The following CNTN5 variants were observed in gnomAD, a reference collection of about 807,000 sequenced individuals.
CNTN5 encodes the protein contactin-5.
In CNTN5, 77 loss-of-function variants were observed where a neutral mutation model predicts 129.1. That is an observed-to-expected ratio of 0.60 (90% CI 0.50 to 0.72). The LOEUF is 0.72. Ranked by LOEUF, CNTN5 falls within the 30% of genes least tolerant of loss-of-function variation. The probability of loss-of-function intolerance (pLI) is 0.00; values close to 1 mark genes in which losing one functional copy is unlikely to be tolerated. For synonymous variants in CNTN5, 509 were observed against 465.6 expected, an observed-to-expected ratio of 1.09 and a Z score of -1.20; for missense variants, 1,478 against 1,328.8, an observed-to-expected ratio of 1.11 and a Z score of -1.75.
intron 3 of CNTN5, among the ~76,000 whole-genome samples, chr11:99,782,615 G>T (rs892001499): frequency 9.2e-5 from 14 of 151,892 alleles, no homozygotes; most frequent in Admixed American, 2.6e-4. Context: ...GCATGGTACT[G>T]GTACCAAAAC....
rs1947437990 is a variant in CNTN5 at position 99,525,151 on chromosome 11, T to C, written c.-70-30994T>C. Among the ~76,000 whole-genome samples, 5 of 152,180 alleles carry C rather than the reference T, an allele frequency of 3.3e-5. No individual in the cohort carries two copies. In the South Asian group the frequency reaches 1.0e-3, roughly 32 times the overall value. ...GAAAAGCCAATTTAAAGGGAGGCTT[T>C]TTTTTTACATTAGGAAGACCTATCT... On this transcript the variant is annotated intron_variant, in intron 2 of 24. Transcript: ENST00000524871.
At chr11:100,142,853 G>A (rs1268311824) in intron 13 of CNTN5, among the ~76,000 whole-genome samples, 3 of 151,990 alleles carry the variant, frequency 2.0e-5, no homozygotes, top group Non-Finnish European at 2.9e-5. Flanking sequence ...AATTATTATG[G>A]TGATGCCAAA....
chr11:99,609,481 T>G (rs1950532255), intron 3 of CNTN5, among the ~76,000 whole-genome samples: 1 of 152,154 alleles, frequency 6.6e-6, no homozygotes, highest in African/African-American at 2.4e-5. Context: ...ATGCCTAATG[T>G]AATCATTAAT....
intron 2 of CNTN5, among the ~76,000 whole-genome samples, chr11:99,511,942 A>C (rs1481202409): frequency 6.6e-6 from 1 of 152,112 alleles, no homozygotes; most frequent in African/African-American, 2.4e-5. Flanking sequence ...TTATGAGTCA[A>C]AAAAGTTTAC....
chr11:99,247,816 A>G (rs1335292918), intron 1 of CNTN5, among the ~76,000 whole-genome samples: 2 of 152,108 alleles, frequency 1.3e-5, no homozygotes, highest in Admixed American at 6.6e-5. Context: ...GCTGCATGGT[A>G]TTCCATGGTG....
chr11:99,114,317 AG>A (rs1432735853), intron 1 of CNTN5, among the ~76,000 whole-genome samples: 1 of 152,124 alleles, frequency 6.6e-6, no homozygotes, highest in East Asian at 1.9e-4. Context: ...GTGTCATAAT[AG>A]TGGAGAAACT....
chr11:99,843,799 C>T (rs943232107), intron 4 of CNTN5, among the ~76,000 whole-genome samples: 1 of 152,112 alleles, frequency 6.6e-6, no homozygotes, highest in Non-Finnish European at 1.5e-5. Context: ...GGTACAGAGA[C>T]TGAGAAACCT....
At position 99,657,948 on chromosome 11, in the gene CNTN5, G is replaced by A. The variant is rs190679646; in HGVS notation, c.55+101679G>A. ...TTTCACCACTGAGGCCCACTCTAAT[G>A]GATACTATGTTTGTAAATGCAATTA... is the stretch of plus-strand genomic sequence containing the variant. On this transcript the variant is annotated intron_variant, in intron 3 of 24. Transcript: ENST00000524871. Among the ~76,000 whole-genome samples, 478 of 152,082 alleles carry A rather than the reference G, an allele frequency of 3.1e-3. 2 individuals are homozygous for A. Among genetic ancestry groups the A allele is most frequent in the Non-Finnish European group, 3.1e-3 (211 of 67,944 alleles).
At chr11:99,417,124 T>A (rs2726392) in intron 2 of CNTN5, among the ~76,000 whole-genome samples, 151,890 of 152,352 alleles carry the variant, frequency 1, 75,714 homozygotes, top group Non-Finnish European at 1. Context: ...TTTAAATTAC[T>A]GTTCAATCAA....
At chr11:99,731,882 T>G (rs1017448803) in intron 3 of CNTN5, among the ~76,000 whole-genome samples, 1 of 152,184 alleles carries the variant, frequency 6.6e-6, no homozygotes, top group Non-Finnish European at 1.5e-5. Context: ...TAGCCCAGAT[T>G]CAAAGGAGAA....
intron 4 of CNTN5, among the ~76,000 whole-genome samples, chr11:99,820,094 T>G (rs1946748385): frequency 6.6e-6 from 1 of 152,146 alleles, no homozygotes; most frequent in Non-Finnish European, 1.5e-5. Context: ...CTCCCAGGCC[T>G]TGAGACAGAC....
rs560253207 is a variant in CNTN5 at position 100,000,102 on chromosome 11, A to G, written c.878-1932A>G. Among the ~76,000 whole-genome samples the G allele has an allele frequency of 4.4e-3, 670 of 152,120 alleles. 6 individuals are homozygous for G. The highest frequency in any genetic ancestry group is 7.2e-3 in the Non-Finnish European group (489 of 67,992). On this transcript the variant is annotated intron_variant, in intron 8 of 24. Transcript: ENST00000524871. ...CAGCACACCAGCATGGCACATGTGT[A>G]CATATGTAACTAACCTGCACATTGT...
intron 6 of CNTN5, among the ~76,000 whole-genome samples, chr11:99,854,175 T>C (rs1239036360): frequency 6.6e-6 from 1 of 152,188 alleles, no homozygotes; most frequent in African/African-American, 2.4e-5. Context: ...CTACCTGGAA[T>C]ACCTGACCAC....
At chr11:99,175,975 C>T (rs1857751415) in intron 1 of CNTN5, among the ~76,000 whole-genome samples, 1 of 152,176 alleles carries the variant, frequency 6.6e-6, no homozygotes, top group African/African-American at 2.4e-5. Flanking sequence ...ACACTATTAT[C>T]TCAAGTCCAT....
At chr11:99,989,528 C>T (rs1938915919) in intron 8 of CNTN5, among the ~76,000 whole-genome samples, 1 of 151,756 alleles carries the variant, frequency 6.6e-6, no homozygotes, top group Non-Finnish European at 1.5e-5. Flanking sequence ...TACACACACA[C>T]TTCACCAAGT....
chr11:100,027,409 TAAG>T (rs1268790355), intron 9 of CNTN5, among the ~76,000 whole-genome samples: 5 of 152,198 alleles, frequency 3.3e-5, no homozygotes, highest in African/African-American at 1.2e-4. Context: ...TCCCCACTGT[TAAG>T]GTTAAGACCT....
intron 1 of CNTN5, among the ~76,000 whole-genome samples, chr11:99,271,875 T>C (rs1863188341): frequency 6.6e-6 from 1 of 151,862 alleles, no homozygotes; most frequent in Admixed American, 6.6e-5. Flanking sequence ...CTCAATGTGT[T>C]TTACGACCTA....
intron 2 of CNTN5, among the ~76,000 whole-genome samples, chr11:99,421,419 G>T (rs1282334024): frequency 6.6e-6 from 1 of 152,142 alleles, no homozygotes; most frequent in Non-Finnish European, 1.5e-5. Flanking sequence ...TGTTGTAGAA[G>T]GAAGCTATAG....
At chr11:100,101,101 C>G (rs1017979600) in intron 13 of CNTN5, among the ~76,000 whole-genome samples, 1 of 151,988 alleles carries the variant, frequency 6.6e-6, no homozygotes. Context: ...AGAAACAATA[C>G]GGTATGTTCC....
Sources: gnomAD v4.1 joint callset for allele counts (sites outside exome capture counted in the v4.1 genomes callset) on GRCh38, gnomAD v4.1.1 for gene constraint, MANE v1.5 for transcripts, NCBI Gene and HGNC (gene_info 2026-07-23, HGNC 2026-07-21) for gene names.